The following CSMD1 variants were observed in gnomAD, a reference collection of about 807,000 sequenced individuals.
CSMD1 encodes CUB and Sushi multiple domains 1.
A neutral mutation model predicts 417.5 loss-of-function variants in CSMD1; 213 were observed. The ratio of observed to expected loss-of-function variants is 0.51; its 90% CI spans 0.46 to 0.57. CSMD1 has a LOEUF of 0.57. Ranked by LOEUF, CSMD1 falls within the 20% of genes least tolerant of loss-of-function variation. The pLI is 0.00. For missense variants in CSMD1, 6,923 were observed against 4,529.7 expected (o/e 1.53, Z -15.17); for synonymous variants, 2,862 against 1,736.8 (o/e 1.65, Z -16.11).
chr8:3,480,474 T>C (rs1311805004), intron 11 of CSMD1, among the ~76,000 whole-genome samples: 1 of 152,310 alleles, frequency 6.6e-6, no homozygotes, highest in South Asian at 2.1e-4. Flanking sequence ...TTTTTATCAT[T>C]AGAATTCCAA....
chr8:4,168,513 G>A (rs756100901), intron 3 of CSMD1, among the ~76,000 whole-genome samples: 3 of 152,056 alleles, frequency 2.0e-5, no homozygotes, highest in African/African-American at 7.3e-5. Flanking sequence ...TGCAACACTA[G>A]ATTAAAATAA....
At chr8:3,560,628 G>A (rs773992989) in intron 10 of CSMD1, among the ~76,000 whole-genome samples, 10 of 152,076 alleles carry the variant, frequency 6.6e-5, no homozygotes, top group South Asian at 2.1e-4. Flanking sequence ...ATGAGATGGC[G>A]GGATGATATA....
chr8:3,310,411 G>A (rs1805237361), intron 23 of CSMD1, among the ~76,000 whole-genome samples: 1 of 152,156 alleles, frequency 6.6e-6, no homozygotes, highest in Non-Finnish European at 1.5e-5. Flanking sequence ...CCAGCATTGG[G>A]GATGACCACC....
At position 3,597,422 on chromosome 8, in the gene CSMD1, T is replaced by TATGATCACATGATCA. The variant is rs11271261; in HGVS notation, c.1098-11163_1098-11162insTGATCATGTGATCAT. Among the ~76,000 whole-genome samples, 320 of 151,890 alleles carry TATGATCACATGATCA rather than the reference T, an allele frequency of 2.1e-3. 1 individual carries two copies. Among genetic ancestry groups the TATGATCACATGATCA allele is most frequent in the African/African-American group, 7.4e-3 (306 of 41,394 alleles). On this transcript the variant is annotated intron_variant, in intron 8 of 69. Transcript: ENST00000635120. Reference sequence around the variant, plus strand: ...TGGAATCCCAAATAAAGTAGGGAACTACTTTCAATGCAAGCCCCAAGACCT... The same window carrying TATGATCACATGATCA: ...TGGAATCCCAAATAAAGTAGGGAACTATGATCACATGATCAACTTTCAATGCAAGCCCCAAGACCT...
intron 12 of CSMD1, among the ~76,000 whole-genome samples, chr8:3,443,255 T>C (rs2166712): frequency 0.16 from 23,730 of 152,080 alleles, 2,473 homozygotes; most frequent in African/African-American, 0.28. Context: ...AGCTCATCAA[T>C]AGATGGGTTG....
chr8:3,026,950 G>A (rs757789245), intron 51 of CSMD1, among the ~76,000 whole-genome samples: 2 of 152,084 alleles, frequency 1.3e-5, no homozygotes, highest in Non-Finnish European at 1.5e-5. Flanking sequence ...AAACATTGAG[G>A]CAAGAGATAA....
Position 3,439,309 on chromosome 8 carries a change from A to ATATATATATATATATTTT in CSMD1, c.1561+29402_1561+29403insAAAATATATATATATATA. Among the ~76,000 whole-genome samples, 233 of 62,304 alleles carry ATATATATATATATATTTT rather than the reference A, an allele frequency of 3.7e-3. 1 individual carries two copies. Among genetic ancestry groups the ATATATATATATATATTTT allele is most frequent in the Non-Finnish European group, 5.0e-3 (174 of 34,720 alleles). The allele number at this position is 62,304 out of a possible 152,430, so 40.9% of individuals were successfully genotyped here. A position where few individuals can be genotyped will look rare whatever the true frequency, so the allele number is the denominator to read the frequency against. On this transcript the variant is annotated intron_variant, in intron 12 of 69. Coordinates refer to ENST00000635120, the MANE Select transcript of CSMD1 (RefSeq NM_033225.6). ...TATATATATATATATATATATATAT[A>ATATATATATATATATTTT]TTTTTTTTTTTAATATGTATTTTTA...
intron 49 of CSMD1, among the ~76,000 whole-genome samples, chr8:3,076,299 T>A (rs1362660463): frequency 6.6e-6 from 1 of 152,214 alleles, no homozygotes; most frequent in Non-Finnish European, 1.5e-5. Context: ...TGCACCTCTG[T>A]CTCTGCAGGC....
chr8:4,181,671 A>G (rs1450297209), intron 3 of CSMD1, among the ~76,000 whole-genome samples: 2 of 152,312 alleles, frequency 1.3e-5, no homozygotes, highest in South Asian at 2.1e-4. Context: ...TCAGAATAAT[A>G]TTGACTCAAT....
At chr8:3,238,305 G>A (rs1799283798) in intron 26 of CSMD1, among the ~76,000 whole-genome samples, 1 of 152,170 alleles carries the variant, frequency 6.6e-6, no homozygotes, top group Middle Eastern at 3.4e-3. Flanking sequence ...CACTTCTTTT[G>A]TGGTGGAATG....
chr8:3,475,553 T>C (rs1442592370), intron 11 of CSMD1, among the ~76,000 whole-genome samples: 1 of 152,200 alleles, frequency 6.6e-6, no homozygotes, highest in African/African-American at 2.4e-5. Context: ...AATCATTTTA[T>C]CTGTATTCCA....
chr8:3,450,968 C>A (rs1305659138), intron 12 of CSMD1, among the ~76,000 whole-genome samples: 1 of 152,136 alleles, frequency 6.6e-6, no homozygotes, highest in Non-Finnish European at 1.5e-5. Flanking sequence ...ACATCCTCTC[C>A]AGCACCTGTT....
At chr8:3,355,303 T>C (rs1208307931) in intron 21 of CSMD1, among the ~76,000 whole-genome samples, 2 of 152,192 alleles carry the variant, frequency 1.3e-5, no homozygotes, top group African/African-American at 4.8e-5. Context: ...TCTGAAATGA[T>C]GTCATAGATG....
intron 2 of CSMD1, among the ~76,000 whole-genome samples, chr8:4,593,338 G>T (rs967977679): frequency 7.9e-5 from 12 of 152,122 alleles, no homozygotes; most frequent in African/African-American, 2.9e-4. Flanking sequence ...TCTGCAGCAT[G>T]GCTAAATCCT....
rs530599408 is a variant in CSMD1 at position 4,274,609 on chromosome 8, G to A, written c.415+145344C>T. Among the ~76,000 whole-genome samples the A allele has an allele frequency of 4.6e-5, 7 of 152,180 alleles. No homozygotes were observed. In the East Asian group the frequency reaches 1.3e-3, roughly 29 times the overall value. On this transcript the variant is annotated intron_variant, in intron 3 of 69. Transcript: ENST00000635120. ...CTATTCTATTAATAGATTAATCTAT[G>A]AAATTTCTATTAAATATCGAACAAA...
chr8:3,774,021 A>G (rs1343278306), intron 5 of CSMD1, among the ~76,000 whole-genome samples: 1 of 152,140 alleles, frequency 6.6e-6, no homozygotes, highest in East Asian at 1.9e-4. Context: ...TTGCTGCGCT[A>G]TCCTACCTAT....
At chr8:3,375,089 A>C (rs939845999) in intron 18 of CSMD1, 8 of 152,166 alleles carry the variant, frequency 5.3e-5, no homozygotes, top group Non-Finnish European at 8.8e-5. Flanking sequence ...CACGGTGCCC[A>C]ACTGTAACTT....
intron 5 of CSMD1, among the ~76,000 whole-genome samples, chr8:3,778,025 T>C (rs1290773227): frequency 6.6e-6 from 1 of 152,230 alleles, no homozygotes; most frequent in Non-Finnish European, 1.5e-5. Context: ...AAACTCTGGC[T>C]GTCTGGCTGT....
intron 49 of CSMD1, among the ~76,000 whole-genome samples, chr8:3,071,056 C>T (rs1050508693): frequency 2.0e-5 from 3 of 152,132 alleles, no homozygotes; most frequent in African/African-American, 7.2e-5. Context: ...AGGGCCAGAA[C>T]AGGAGCAAGA....
Sources: allele counts gnomAD v4.1 joint callset (sites outside exome capture counted in the v4.1 genomes callset), GRCh38; gene constraint gnomAD v4.1.1; transcripts MANE v1.5; gene names NCBI Gene and HGNC (gene_info 2026-07-23, HGNC 2026-07-21).